CNTNAP4: variants seen among roughly 807,000 people sequenced by gnomAD.
CNTNAP4 encodes contactin associated protein family member 4, also known as contactin-associated protein-like 4.
CNTNAP4 carries 98 observed loss-of-function variants against 148.4 expected under a neutral mutation model. That is an observed-to-expected ratio of 0.66 (90% CI 0.56 to 0.78). The LOEUF (loss-of-function observed/expected upper bound fraction) is 0.78. CNTNAP4 is among the 30% of genes least tolerant of loss of function. The pLI is 0.00. For synonymous variants in CNTNAP4, 730 were observed against 565.1 expected (o/e 1.29, Z -4.14); for missense variants, 1,935 against 1,565.6 (o/e 1.24, Z -3.98).
At chr16:76,332,831 T>C (rs1051785812) in intron 2 of CNTNAP4, among the ~76,000 whole-genome samples, 9 of 152,034 alleles carry the variant, frequency 5.9e-5, no homozygotes, top group Non-Finnish European at 1.3e-4. Context: ...GGGCCAAAGG[T>C]GAGTCTTAGA....
At chr16:76,533,110 G>A (rs1167716330) in intron 17 of CNTNAP4, among the ~76,000 whole-genome samples, 15 of 150,622 alleles carry the variant, frequency 1.0e-4, no homozygotes, top group Admixed American at 6.0e-4. Context: ...CAAATGAATC[G>A]ATAAAAAAAA....
chr16:76,342,931 A>G (rs1040072330), intron 2 of CNTNAP4, among the ~76,000 whole-genome samples: 1 of 152,108 alleles, frequency 6.6e-6, no homozygotes, highest in Admixed American at 6.6e-5. Context: ...GCTTTTCACA[A>G]TTACTGTAGC....
chr16:76,315,217 C>G (rs1309428337), intron 1 of CNTNAP4, among the ~76,000 whole-genome samples: 3 of 149,154 alleles, frequency 2.0e-5, no homozygotes, highest in African/African-American at 7.4e-5. Context: ...AGAAATCATA[C>G]ATGTCTCCTG....
At chr16:76,423,994 C>T (rs1373280778) in intron 3 of CNTNAP4, among the ~76,000 whole-genome samples, 2 of 151,976 alleles carry the variant, frequency 1.3e-5, no homozygotes, top group East Asian at 1.9e-4. Flanking sequence ...GCTGTAAGTC[C>T]CATATCCCCA....
At chr16:76,364,787 G>C (rs918366505) in intron 3 of CNTNAP4, among the ~76,000 whole-genome samples, 11 of 152,098 alleles carry the variant, frequency 7.2e-5, no homozygotes, top group Admixed American at 2.0e-4. Context: ...TTTAAATAGA[G>C]ACGAGATTAA....
At chr16:76,429,362 G>C (rs1597505941) in intron 4 of CNTNAP4, among the ~76,000 whole-genome samples, 1 of 152,086 alleles carries the variant, frequency 6.6e-6, no homozygotes, top group Non-Finnish European at 1.5e-5. Context: ...CACTTATTCA[G>C]AACATCCACC....
intron 15 of CNTNAP4, among the ~76,000 whole-genome samples, chr16:76,501,484 C>T (rs138761170): frequency 1.3e-5 from 2 of 152,184 alleles, no homozygotes; most frequent in African/African-American, 4.8e-5. Context: ...ATTTTAAGCA[C>T]ACAACATCAT....
In CNTNAP4 at chr16:76,355,469, T is replaced by G. The variant is rs1029547896; in HGVS notation, c.348T>G (p.Ser116Arg). ...GCTACCTCCTGATGTTCAGTGATAG[T>G]GGCTGGAACTGGAAACAATATCGCC... ...VTSYLLMFSD[S>R]GWNWKQYRQE... Residue 116 changes from serine to arginine, a missense_variant, in exon 3 of 24, where the codon AGT becomes AGG. Transcript: ENST00000611870. 1 of 1,612,182 alleles carries G rather than the reference T, an allele frequency of 6.2e-7. No homozygotes were observed. The highest frequency in any genetic ancestry group is 8.5e-7 in the Non-Finnish European group (1 of 1,179,232).
At chr16:76,291,152 G>T (rs925265388) in intron 1 of CNTNAP4, among the ~76,000 whole-genome samples, 1 of 152,160 alleles carries the variant, frequency 6.6e-6, no homozygotes, top group Non-Finnish European at 1.5e-5. Flanking sequence ...GTATAATTCA[G>T]TCCATAACAG....
chr16:76,463,269 G>C (rs12929668), intron 9 of CNTNAP4, among the ~76,000 whole-genome samples: 87,235 of 152,006 alleles, frequency 0.57, 25,239 homozygotes, highest in East Asian at 0.64. Flanking sequence ...TTTAGAAGCA[G>C]TAAAAGAGAT....
chr16:76,374,748 T>TTATTATTAG (rs2015233212), intron 3 of CNTNAP4, among the ~76,000 whole-genome samples: 1 of 116,446 alleles, frequency 8.6e-6, no homozygotes, highest in Non-Finnish European at 1.9e-5. Context: ...GACACTATTA[T>TTATTATTAG]TATTATTATT....
chr16:76,452,663 C>A lies in CNTNAP4; in HGVS notation c.1227C>A (p.Phe409Leu). ...GGAATAAGGCAGGGCTTCTGCTGTT[C>A]AGTGAACTTCAGCTGATTTCAGGGG... Reference protein sequence around the residue: ...RTWNKAGLLLFSELQLISGGI... With the variant: ...RTWNKAGLLLLSELQLISGGI... The change falls in exon 8 of 24, where the codon TTC becomes TTA. Residue 409 changes from phenylalanine (F) to leucine (L), a missense_variant. Transcript: ENST00000611870. 1 of 1,613,882 alleles carries A rather than the reference C, an allele frequency of 6.2e-7. No individual in the cohort carries two copies. Among genetic ancestry groups the A allele is most frequent in the South Asian group, 1.1e-5 (1 of 91,060 alleles).
At chr16:76,397,171 T>TAC (rs2078231617) in intron 3 of CNTNAP4, among the ~76,000 whole-genome samples, 1 of 151,908 alleles carries the variant, frequency 6.6e-6, no homozygotes, top group Non-Finnish European at 1.5e-5. Flanking sequence ...CTTTATGTCG[T>TAC]AGGTGATACC....
intron 3 of CNTNAP4, among the ~76,000 whole-genome samples, chr16:76,393,809 G>A (rs1370238268): frequency 6.6e-6 from 1 of 152,166 alleles, no homozygotes; most frequent in Non-Finnish European, 1.5e-5. Flanking sequence ...AAATCTAGAG[G>A]TCCTCGATGT....
rs74569380 is a variant in CNTNAP4, at chr16:76,297,144, A to C, written c.86-19269A>C. On this transcript the variant is annotated intron_variant, in intron 1 of 23. Coordinates refer to ENST00000611870, the MANE Select transcript of CNTNAP4 (RefSeq NM_033401.5). Reference sequence around the variant, plus strand: ...TTTTGGACATCAGAATTGCAAGTACAACAAAACAAACAACTGCTCTTTAGA... The same window carrying C: ...TTTTGGACATCAGAATTGCAAGTACCACAAAACAAACAACTGCTCTTTAGA... Among the ~76,000 whole-genome samples, 541 of 152,320 alleles carry C rather than the reference A, an allele frequency of 3.6e-3. 5 individuals carry two copies. Among genetic ancestry groups the C allele is most frequent in the African/African-American group, 0.013 (533 of 41,578 alleles).
rs1302477987 is a variant in CNTNAP4 at position 76,462,010 on chromosome 16, A to T, written c.1388A>T (p.Asn463Ile). 4 of 1,613,740 alleles carry T rather than the reference A, an allele frequency of 2.5e-6. No homozygotes were observed. The highest frequency in any genetic ancestry group is 3.4e-6 in the Non-Finnish European group (4 of 1,179,816). The change falls in exon 9 of 24, where the codon AAT (asparagine) becomes ATT (isoleucine). Residue 463 changes from asparagine (N) to isoleucine (I), a missense_variant. Physicochemically the swap from Asn to Ile is moderately radical, Grantham distance 149 (BLOSUM62 -3). Transcript: ENST00000611870. ...TCTGTCTCTTTATCTGCTAAAAAGA[A>T]TCACTTGAGTGTGGCGGTGGACGGC... Reference protein sequence around the residue: ...WHSVSLSAKKNHLSVAVDGQM... With the variant: ...WHSVSLSAKKIHLSVAVDGQM...
chr16:76,286,537 C>T (rs548665601), intron 1 of CNTNAP4, among the ~76,000 whole-genome samples: 47 of 152,178 alleles, frequency 3.1e-4, no homozygotes, highest in African/African-American at 7.7e-4. Flanking sequence ...GTTAACTCAA[C>T]TTCTTCTCCC....
At chr16:76,278,422 G>T in intron 1 of CNTNAP4, among the ~76,000 whole-genome samples, 1 of 152,278 alleles carries the variant, frequency 6.6e-6, no homozygotes, top group East Asian at 1.9e-4. Flanking sequence ...GTGGTTGAAT[G>T]CTTAACTGCA....
At chr16:76,287,514 G>A (rs1335035312) in intron 1 of CNTNAP4, 3 of 152,210 alleles carry the variant, frequency 2.0e-5, no homozygotes, top group Non-Finnish European at 4.4e-5. Flanking sequence ...ATGAAAGTAT[G>A]TAGGTAGTAC....
Sources: gnomAD v4.1 joint callset for allele counts (sites outside exome capture counted in the v4.1 genomes callset) on GRCh38, gnomAD v4.1.1 for gene constraint, MANE v1.5 for transcripts, NCBI Gene and HGNC (gene_info 2026-07-23, HGNC 2026-07-21) for gene names.